Variants in CNTN4 observed in about 807,000 individuals in gnomAD.
CNTN4 encodes contactin 4, also known as contactin-4.
Under a neutral mutation model 122.5 loss-of-function variants are expected in CNTN4, and 77 were observed. The ratio of observed to expected loss-of-function variants is 0.63; its 90% CI spans 0.52 to 0.76. The LOEUF (loss-of-function observed/expected upper bound fraction) is 0.76. Ranked by LOEUF, CNTN4 falls within the 30% of genes least tolerant of loss-of-function variation. CNTN4 has a pLI of 0.00. For synonymous variants in CNTN4, 512 were observed against 447.0 expected (o/e 1.15, Z -1.83); for missense variants, 1,256 against 1,259.1 (o/e 1.00, Z 0.04).
intron 4 of CNTN4, among the ~76,000 whole-genome samples, chr3:2,625,010 G>A (rs932241765): frequency 1.3e-5 from 2 of 152,106 alleles, no homozygotes; most frequent in Non-Finnish European, 2.9e-5. Context: ...CTAAGCCTCA[G>A]TTTACTCATA....
chr3:2,170,322 A>C (rs1446530187), intron 2 of CNTN4, among the ~76,000 whole-genome samples: 1 of 152,006 alleles, frequency 6.6e-6, no homozygotes, highest in African/African-American at 2.4e-5. Flanking sequence ...TCCGTCTCAA[A>C]ACAAAAAAAC....
intron 3 of CNTN4, among the ~76,000 whole-genome samples, chr3:2,376,659 T>C (rs1251600943): frequency 1.4e-5 from 2 of 146,966 alleles, no homozygotes; most frequent in Non-Finnish European, 3.0e-5. Flanking sequence ...TGTTTCTGTA[T>C]AATTTTGTGG....
intron 4 of CNTN4, among the ~76,000 whole-genome samples, chr3:2,668,816 T>C (rs2084326413): frequency 6.6e-6 from 1 of 152,220 alleles, no homozygotes; most frequent in Non-Finnish European, 1.5e-5. Context: ...CTGTTGAATT[T>C]TGTCACAGGC....
chr3:3,049,511 C>T (rs1039346870), intron 23 of CNTN4, among the ~76,000 whole-genome samples: 4 of 152,126 alleles, frequency 2.6e-5, no homozygotes, highest in African/African-American at 7.2e-5. Context: ...ACCTGGGATC[C>T]GAATACAGCA....
At chr3:2,119,238 C>G (rs1054203509) in intron 2 of CNTN4, among the ~76,000 whole-genome samples, 1 of 152,180 alleles carries the variant, frequency 6.6e-6, no homozygotes, top group African/African-American at 2.4e-5. Context: ...GCAGATTTTG[C>G]ACTTGCCAAC....
chr3:2,157,017 C>G (rs1304087918), intron 2 of CNTN4, among the ~76,000 whole-genome samples: 1 of 152,126 alleles, frequency 6.6e-6, no homozygotes, highest in East Asian at 1.9e-4. Flanking sequence ...TTTTTGCCTG[C>G]CTCCTTGCAT....
intron 4 of CNTN4, among the ~76,000 whole-genome samples, chr3:2,725,985 A>G (rs1559433404): frequency 6.6e-6 from 1 of 152,330 alleles, no homozygotes; most frequent in East Asian, 1.9e-4. Flanking sequence ...GCTTAAATGA[A>G]GGCAATCATT....
intron 4 of CNTN4, among the ~76,000 whole-genome samples, chr3:2,665,296 G>T (rs374655001): frequency 6.6e-6 from 1 of 152,136 alleles, no homozygotes. Context: ...GCTGTTAGTT[G>T]ATCTTTTCAG....
At chr3:2,788,956 T>A (rs1199504712) in intron 6 of CNTN4, among the ~76,000 whole-genome samples, 1 of 152,224 alleles carries the variant, frequency 6.6e-6, no homozygotes, top group Non-Finnish European at 1.5e-5. Flanking sequence ...GAAAAAAAGT[T>A]CTGATTCTAT....
chr3:2,749,533 A>G (rs977633624), intron 6 of CNTN4, among the ~76,000 whole-genome samples: 13 of 152,204 alleles, frequency 8.5e-5, no homozygotes, highest in Admixed American at 2.0e-4. Flanking sequence ...TTTCACTCCT[A>G]TGGCAGAACG....
chr3:2,595,582 C>T (rs1209858422), intron 4 of CNTN4, among the ~76,000 whole-genome samples: 1 of 152,146 alleles, frequency 6.6e-6, no homozygotes, highest in Non-Finnish European at 1.5e-5. Flanking sequence ...AAGTGGACCC[C>T]TTGGCTCCAG....
At chr3:3,024,404 A>C (rs1453780328) in intron 14 of CNTN4, among the ~76,000 whole-genome samples, 19 of 145,718 alleles carry the variant, frequency 1.3e-4, no homozygotes, top group Admixed American at 2.8e-4. Flanking sequence ...AAAAAAAAAA[A>C]AAAACAACTT....
intron 3 of CNTN4, among the ~76,000 whole-genome samples, chr3:2,352,397 A>G (rs7653538): frequency 0.22 from 33,432 of 152,096 alleles, 3,855 homozygotes; most frequent in African/African-American, 0.26. Flanking sequence ...TGTGGAGGGA[A>G]AGGCTCGGGT....
chr3:2,103,675 G>A lies in CNTN4; in HGVS notation c.-145+3036G>A, dbSNP rs1444453064. Among the ~76,000 whole-genome samples, 16 of 152,106 alleles carry A rather than the reference G, an allele frequency of 1.1e-4. No homozygotes were observed. The East Asian group carries it at 2.7e-3, about 26-fold the overall frequency. Reference sequence around the variant, plus strand: ...TCAATATCCCCATCCTCCAAGAAAGGAAACCCTCTTCTTTTCCTATGAGCT... The same window carrying A: ...TCAATATCCCCATCCTCCAAGAAAGAAAACCCTCTTCTTTTCCTATGAGCT... On this transcript the variant is annotated intron_variant, in intron 2 of 24. Coordinates refer to ENST00000418658, the MANE Select transcript of CNTN4 (RefSeq NM_175607.3).
intron 2 of CNTN4, among the ~76,000 whole-genome samples, chr3:2,243,939 G>C (rs1268073915): frequency 6.6e-6 from 1 of 151,990 alleles, no homozygotes; most frequent in African/African-American, 2.4e-5. Context: ...TTGTGAAAAA[G>C]CAGAATGTAT....
chr3:2,810,017 T>C (rs1200590168), intron 6 of CNTN4, among the ~76,000 whole-genome samples: 1 of 152,076 alleles, frequency 6.6e-6, no homozygotes, highest in Admixed American at 6.6e-5. Context: ...AAGAAAATAA[T>C]AGTTGAGGGG....
At chr3:2,109,403 T>TTTG (rs199797496) in intron 2 of CNTN4, among the ~76,000 whole-genome samples, 2 of 152,084 alleles carry the variant, frequency 1.3e-5, no homozygotes, top group African/African-American at 2.4e-5. Flanking sequence ...AATCATATGA[T>TTTG]TTGTTGTTGT....
chr3:2,741,656 G>A (rs1259428733), intron 5 of CNTN4, among the ~76,000 whole-genome samples: 1 of 152,168 alleles, frequency 6.6e-6, no homozygotes, highest in Non-Finnish European at 1.5e-5. Context: ...AGGAAGCAAC[G>A]GCTGTTAGGT....
intron 4 of CNTN4, among the ~76,000 whole-genome samples, chr3:2,674,935 A>G (rs147726901): frequency 2.0e-5 from 3 of 152,180 alleles, no homozygotes; most frequent in Non-Finnish European, 2.9e-5. Context: ...CTCTACTTTC[A>G]TATGATTAAT....
Sources: allele counts gnomAD v4.1 joint callset (sites outside exome capture counted in the v4.1 genomes callset), GRCh38; gene constraint gnomAD v4.1.1; transcripts MANE v1.5; gene names NCBI Gene and HGNC (gene_info 2026-07-23, HGNC 2026-07-21).